SRCAP: variants seen among roughly 807,000 people sequenced by gnomAD.
SRCAP encodes chromatin remodeling protein SRCAP.
SRCAP carries 46 observed loss-of-function variants against 263.1 expected under a neutral mutation model. The observed-to-expected ratio is 0.17, with a 90% CI of 0.14 to 0.22. The LOEUF (loss-of-function observed/expected upper bound fraction) is 0.22, where lower values mean the gene tolerates loss of function less well. Ranked by LOEUF, SRCAP falls within the 10% of genes least tolerant of loss-of-function variation. SRCAP has a pLI of 1.00. For synonymous variants in SRCAP, 1,813 were observed against 1,662.1 expected, an observed-to-expected ratio of 1.09 and a Z score of -2.21; for missense variants, 3,695 against 4,181.9, an observed-to-expected ratio of 0.88 and a Z score of 3.21.
intron 31 of SRCAP, 136 bp from the exon 32 acceptor site, chr16:30,736,064 G>A (rs1295095736): frequency 6.5e-6 from 6 of 926,186 alleles, no homozygotes; most frequent in Non-Finnish European, 9.6e-6. Flanking sequence ...TAACTCTGGA[G>A]GCCTAGGAGG....
At chr16:30,710,876 C>G in intron 9 of SRCAP, 29 bp downstream of exon 9, 5 of 1,610,446 alleles carry the variant, frequency 3.1e-6, no homozygotes, top group Non-Finnish European at 4.2e-6. Flanking sequence ...GTCCTATTGC[C>G]CCTTACCCCT....
intron 30 of SRCAP, 64 bp downstream of exon 30, chr16:30,734,072 G>C (rs1476276320): frequency 7.1e-7 from 1 of 1,404,352 alleles, no homozygotes; most frequent in Non-Finnish European, 9.8e-7. Context: ...AGTTCCTCCT[G>C]TTTATTAAAG....
At chr16:30,716,600 A>T (rs900474591) in intron 18 of SRCAP, 121 bp downstream of exon 18, 1 of 871,158 alleles carries the variant, frequency 1.1e-6, no homozygotes, top group Non-Finnish European at 1.8e-6. Flanking sequence ...TCATTCCCTT[A>T]GTTTTATTGT....
rs1267429610 is a variant in SRCAP, at chr16:30,716,487, T to A, written c.2817+8T>A. ...GATGTCCATCCCCTCCAGGTAAGTA[T>A]GATTCCATTAATATGAAATGTAAAG... is the stretch of plus-strand genomic sequence containing the variant. On this transcript the variant is annotated splice_region_variant and intron_variant, in intron 18 of 33. Transcript: ENST00000262518. The A allele has an allele frequency of 1.2e-6, 2 of 1,601,366 alleles. No individual in the cohort carries two copies. Among genetic ancestry groups the A allele is most frequent in the Non-Finnish European group, 1.7e-6 (2 of 1,173,738 alleles).
In SRCAP at chr16:30,738,477, C is replaced by T. The variant is rs1468525144; in HGVS notation, c.8437C>T (p.Pro2813Ser). ...PPIGGPCEAA[P>S]SSSLPTPPQQ... ...CATTGGTGGGCCCTGTGAAGCTGCTCCTTCATCCTCACTGCCCACTCCACC... is the reference window on the plus strand; with the variant it reads ...CATTGGTGGGCCCTGTGAAGCTGCTTCTTCATCCTCACTGCCCACTCCACC... Residue 2813 changes from proline to serine, a missense_variant, in exon 34 of 34, where the codon CCT (proline) becomes TCT (serine). Transcript: ENST00000262518. The T allele has an allele frequency of 3.8e-6, 6 of 1,594,236 alleles. No individual in the cohort carries two copies. The highest frequency in any genetic ancestry group is 1.3e-5 in the African/African-American group (1 of 74,262).
In SRCAP at chr16:30,707,300, G is replaced by A. The variant is rs1415622581; in HGVS notation, c.424G>A (p.Glu142Lys). ...RPKGHWDYLC[E>K]EMQWLSADFA... is the part of the protein sequence containing the mutation. The stretch of plus-strand genomic sequence containing the variant: ...CAAAGGTCACTGGGACTATTTGTGC[G>A]AAGAGATGCAGTGGCTCTCTGCTGA... Residue 142 changes from glutamate (E) to lysine (K), a missense_variant, in exon 5 of 34, where the codon GAA becomes AAA. By Grantham distance (56) the Glu-to-Lys change is moderately conservative. Transcript: ENST00000262518. The A allele has an allele frequency of 3.7e-6, 6 of 1,614,190 alleles. No homozygotes were observed. Among genetic ancestry groups the A allele is most frequent in the Non-Finnish European group, 4.2e-6 (5 of 1,180,038 alleles).
chr16:30,720,665 C>A (rs1158488978), intron 19 of SRCAP, 48 bp from the exon 20 acceptor site: 2 of 1,519,644 alleles, frequency 1.3e-6, no homozygotes, highest in Admixed American at 2.1e-5. Flanking sequence ...TATTGCTACC[C>A]CTTATTCTCC....
chr16:30,709,459 G>A, intron 6 of SRCAP, 54 bp from the exon 7 acceptor site: 1 of 1,594,748 alleles, frequency 6.3e-7, no homozygotes, highest in Non-Finnish European at 8.6e-7. Flanking sequence ...TCGGGTAAAA[G>A]TACATAAATA....
chr16:30,729,428 C>T lies in SRCAP; in HGVS notation c.5983C>T (p.Pro1995Ser), dbSNP rs1208528859. The change falls in exon 27 of 34, where the codon CCA becomes TCA. Residue 1995 changes from proline (P) to serine (S), a missense_variant. By Grantham distance (74) the Pro-to-Ser change is moderately conservative (BLOSUM62 -1). Around this residue, in one of 12 missense-constraint regions of SRCAP, gnomAD observed 1,347 missense variants for 1,304.4 expected, o/e 1.03. Coordinates refer to ENST00000262518, the MANE Select transcript of SRCAP (RefSeq NM_006662.3). ...TCCCCCTTCCCTGCATGCCTGCCAC[C>T]CACCTCCTTGGCTGGCCCCACGTCA... Reference protein sequence around the residue: ...APPPSLHACHPPPWLAPRQAA... With the variant: ...APPPSLHACHSPPWLAPRQAA... 3 of 1,614,068 alleles carry T rather than the reference C, an allele frequency of 1.9e-6. No homozygotes were observed. The highest frequency in any genetic ancestry group is 1.7e-6 in the Non-Finnish European group (2 of 1,180,044).
rs563943230 is a variant in SRCAP, at chr16:30,731,400, A to T, written c.6127+1828A>T. Among the ~76,000 whole-genome samples the T allele has an allele frequency of 3.3e-5, 5 of 152,330 alleles. No homozygotes were observed. In the South Asian group the frequency reaches 1.0e-3, roughly 32 times the overall value. On this transcript the variant is annotated intron_variant, in intron 27 of 33. Transcript: ENST00000262518. ...GGCTATTGGGTAAGTGACTAGTTCC[A>T]CAGCCCTGCACAGACATTTGTATAG...
At chr16:30,720,606 CT>C (rs1299479001) in intron 19 of SRCAP, 106 bp from the exon 20 acceptor site, 2 of 1,339,894 alleles carry the variant, frequency 1.5e-6, no homozygotes, top group Non-Finnish European at 2.0e-6. Flanking sequence ...CTTTCCTTTT[CT>C]TTGCTTTTAT....
chr16:30,723,351 T>C (rs2053030088), intron 24 of SRCAP, 122 bp downstream of exon 24: 1 of 1,449,480 alleles, frequency 6.9e-7, no homozygotes, highest in Non-Finnish European at 9.2e-7. Context: ...TGATTTGTAG[T>C]GGGCCCCAGA....
At chr16:30,721,715 CAT>C (rs781194296) in intron 21 of SRCAP, among the ~76,000 whole-genome samples, 5 of 152,198 alleles carry the variant, frequency 3.3e-5, no homozygotes, top group African/African-American at 9.7e-5. Context: ...AGGCAGCTAA[CAT>C]ATGTTAGGCA....
At chr16:30,734,740 C>T in intron 31 of SRCAP, 125 bp downstream of exon 31, 1 of 1,424,762 alleles carries the variant, frequency 7.0e-7, no homozygotes, top group Non-Finnish European at 9.5e-7. Flanking sequence ...TTACAGTCAG[C>T]CTTTGATAGT....
In SRCAP at chr16:30,710,924, C is replaced by T. The variant is rs2052883762; in HGVS notation, c.1229-75C>T. 7 of 1,597,358 alleles carry T rather than the reference C, an allele frequency of 4.4e-6. No homozygotes were observed. In the South Asian group the frequency reaches 4.4e-5, roughly 10 times the overall value. ...CTGGACCTAACCTTTCAGGCTTTCT[C>T]ATCTGTTTCATTTGGACTGTGTCCT... On this transcript the variant is annotated intron_variant, in intron 9 of 33. Coordinates refer to ENST00000262518, the MANE Select transcript of SRCAP (RefSeq NM_006662.3).
At position 30,724,541 on chromosome 16, in the gene SRCAP, A is replaced by T; in HGVS notation, c.5117A>T (p.Asn1706Ile). ...CAGACACTCTCTTTGGGAACGGGGA[A>T]CCCCCAGGGACCCTTTCCAACTCAG... ...PSQTLSLGTGNPQGPFPTQTL... is the reference protein window; with the variant it reads ...PSQTLSLGTGIPQGPFPTQTL... Residue 1706 changes from asparagine to isoleucine, a missense_variant, in exon 25 of 34, where the codon AAC (asparagine) becomes ATC (isoleucine). This residue lies in a region of SRCAP where 1,347 missense variants were observed against 1,304.4 expected (regional missense o/e 1.03). Transcript: ENST00000262518. The T allele has an allele frequency of 6.2e-7, 1 of 1,613,902 alleles. No homozygotes were observed. Among genetic ancestry groups the T allele is most frequent in the South Asian group, 1.1e-5 (1 of 91,062 alleles).
At chr16:30,712,898 TC>T (rs2052906620) in intron 14 of SRCAP, 83 bp downstream of exon 14, 3 of 1,511,464 alleles carry the variant, frequency 2.0e-6, no homozygotes, top group Non-Finnish European at 2.7e-6. Flanking sequence ...TTCCTTTCTC[TC>T]CTCTTTCTTT....
At chr16:30,719,371 A>C (rs1023996729) in intron 18 of SRCAP, among the ~76,000 whole-genome samples, 1 of 145,464 alleles carries the variant, frequency 6.9e-6, no homozygotes, top group African/African-American at 2.6e-5. Flanking sequence ...ACGTGCCACC[A>C]CGCCTGGCTA....
Position 30,738,876 on chromosome 16 carries a change from C to A in SRCAP, c.8836C>A (p.Arg2946=). The change falls in exon 34 of 34, where the codon CGA becomes AGA. Residue 2946 remains arginine (R), a synonymous_variant. Coordinates refer to ENST00000262518, the MANE Select transcript of SRCAP (RefSeq NM_006662.3). ...AAGGCGAGGACGACCCCCTAAAGCA[C>A]GAGATTTGCCCATCCCTGGGACCAT... The part of the protein sequence containing the change: ...KRRRGRPPKA[R]DLPIPGTISS... 1.2e-6 allele frequency: 2 copies of A among 1,614,150 alleles called. No individual in the cohort carries two copies. The highest frequency in any genetic ancestry group is 1.1e-5 in the South Asian group (1 of 91,082).
Sources: allele counts gnomAD v4.1 joint callset (sites outside exome capture counted in the v4.1 genomes callset), GRCh38; gene constraint gnomAD v4.1.1; regional missense constraint gnomAD v4.1.1; transcripts MANE v1.5; gene names NCBI Gene and HGNC (gene_info 2026-07-23, HGNC 2026-07-21).